The following CAP2 variants were observed in gnomAD, a reference collection of about 807,000 sequenced individuals.
CAP2 encodes the protein cyclase associated actin cytoskeleton regulatory protein 2, also known as adenylyl cyclase-associated protein 2.
A neutral mutation model predicts 57.7 loss-of-function variants in CAP2; 24 were observed. That is an observed-to-expected ratio of 0.42 (90% confidence interval 0.30 to 0.58). The LOEUF (loss-of-function observed/expected upper bound fraction) is 0.58, where lower values mean the gene tolerates loss of function less well. Ranked by LOEUF, CAP2 falls within the 20% of genes least tolerant of loss-of-function variation. The pLI is 0.22. For missense variants in CAP2, 501 were observed against 590.3 expected, an observed-to-expected ratio of 0.85 and a Z score of 1.57; for synonymous variants, 194 against 207.2, an observed-to-expected ratio of 0.94 and a Z score of 0.55.
chr6:17,450,859 T>C (rs984097073), intron 3 of CAP2, among the ~76,000 whole-genome samples: 1 of 152,204 alleles, frequency 6.6e-6, no homozygotes, highest in Non-Finnish European at 1.5e-5. Flanking sequence ...TAATATAAAA[T>C]TATTGCCCTT....
At chr6:17,509,260 A>T (rs1486548787) in intron 6 of CAP2, among the ~76,000 whole-genome samples, 1 of 152,156 alleles carries the variant, frequency 6.6e-6, no homozygotes, top group Non-Finnish European at 1.5e-5. Flanking sequence ...TTTTATTTTT[A>T]AAAATATTGA....
At chr6:17,498,677 A>T (rs1185690435) in intron 4 of CAP2, among the ~76,000 whole-genome samples, 6 of 151,828 alleles carry the variant, frequency 4.0e-5, no homozygotes, top group African/African-American at 1.5e-4. Context: ...CATCATTATT[A>T]TGTTTTTCTG....
chr6:17,465,029 G>C (rs934499302), intron 4 of CAP2, among the ~76,000 whole-genome samples: 3 of 152,156 alleles, frequency 2.0e-5, no homozygotes, highest in African/African-American at 7.2e-5. Flanking sequence ...ACTAAATATT[G>C]AATGAAAATG....
chr6:17,507,768 T>C (rs1217288302), intron 6 of CAP2, 42 bp downstream of exon 6: 1 of 1,067,852 alleles, frequency 9.4e-7, no homozygotes, highest in African/African-American at 1.6e-5. Flanking sequence ...AGTTGATTAC[T>C]TGTTAGACAT....
chr6:17,492,790 A>G (rs545814493), intron 4 of CAP2, among the ~76,000 whole-genome samples: 107 of 152,110 alleles, frequency 7.0e-4, no homozygotes, highest in African/African-American at 2.4e-3. Context: ...CCTTTTTTTC[A>G]TAGTACGATA....
chr6:17,481,709 G>T (rs1190679582), intron 4 of CAP2, among the ~76,000 whole-genome samples: 2 of 152,012 alleles, frequency 1.3e-5, no homozygotes, highest in African/African-American at 4.8e-5. Flanking sequence ...TTTTTAATTG[G>T]TCAATTTTTC....
chr6:17,490,574 T>C (rs1761520569), intron 4 of CAP2, among the ~76,000 whole-genome samples: 1 of 152,220 alleles, frequency 6.6e-6, no homozygotes, highest in African/African-American at 2.4e-5. Context: ...GGGTGGGGTG[T>C]AAGTCACAAA....
intron 3 of CAP2, among the ~76,000 whole-genome samples, chr6:17,442,017 C>CAAACATATTAAA (rs1760094075): frequency 3.3e-5 from 5 of 152,176 alleles, no homozygotes; most frequent in Admixed American, 2.6e-4. Context: ...TCGTTATTGC[C>CAAACATATTAAA]TGTACAAACA....
intron 3 of CAP2, among the ~76,000 whole-genome samples, chr6:17,436,013 G>A (rs946841322): frequency 1.3e-5 from 2 of 152,206 alleles, no homozygotes; most frequent in African/African-American, 4.8e-5. Context: ...GATCCTGTGA[G>A]TCTCTAAGGT....
At chr6:17,485,599 A>C (rs1761400757) in intron 4 of CAP2, among the ~76,000 whole-genome samples, 1 of 152,152 alleles carries the variant, frequency 6.6e-6, no homozygotes, top group Admixed American at 6.6e-5. Flanking sequence ...GCTGATTTCC[A>C]CTGACCCCAG....
intron 4 of CAP2, among the ~76,000 whole-genome samples, chr6:17,475,679 T>G (rs894663256): frequency 6.6e-6 from 1 of 152,216 alleles, no homozygotes; most frequent in African/African-American, 2.4e-5. Flanking sequence ...GCTGTGGAGA[T>G]CCAGCTGGCC....
At position 17,539,394 on chromosome 6, in the gene CAP2, G is replaced by A. The variant is rs547646770; in HGVS notation, c.762G>A (p.Glu254=). The change falls in exon 8 of 13, where the codon GAG becomes GAA. Residue 254 remains glutamate (E), a synonymous_variant. Transcript: ENST00000229922. ...PPLFENEGKK[E]ESSPSRSALF... ...TTTTCGAGAATGAAGGCAAAAAAGAGGAATCTTCTCCTTCACGCTCAGCTT... is the reference window on the plus strand; with the variant it reads ...TTTTCGAGAATGAAGGCAAAAAAGAAGAATCTTCTCCTTCACGCTCAGCTT... 1.9e-6 allele frequency: 3 copies of A among 1,614,210 alleles called. No individual in the cohort carries two copies. Among genetic ancestry groups the A allele is most frequent in the East Asian group, 2.2e-5 (1 of 44,874 alleles).
chr6:17,515,958 C>T (rs1248809734), intron 7 of CAP2, among the ~76,000 whole-genome samples: 2 of 152,154 alleles, frequency 1.3e-5, no homozygotes, highest in African/African-American at 4.8e-5. Flanking sequence ...TTGGATTGCA[C>T]CAAATGAAAT....
At chr6:17,429,990 A>G (rs1056573313) in intron 3 of CAP2, among the ~76,000 whole-genome samples, 1 of 152,238 alleles carries the variant, frequency 6.6e-6, no homozygotes, top group African/African-American at 2.4e-5. Flanking sequence ...AAAAGCCCTC[A>G]CATACCTGAT....
intron 1 of CAP2, among the ~76,000 whole-genome samples, chr6:17,410,212 C>T (rs1759102120): frequency 6.6e-6 from 1 of 152,170 alleles, no homozygotes; most frequent in African/African-American, 2.4e-5. Flanking sequence ...CTGCCTGTCC[C>T]ACATGCTCCC....
At chr6:17,548,365 C>CA (rs112858015) in intron 11 of CAP2, among the ~76,000 whole-genome samples, 1,640 of 127,396 alleles carry the variant, frequency 0.013, 12 homozygotes, top group East Asian at 0.032. Flanking sequence ...GATTCTGTCT[C>CA]AAAAAAAAAA....
chr6:17,543,050 TC>T lies in CAP2; in HGVS notation c.1127-10del, dbSNP rs1581609825. 2.5e-6 allele frequency: 4 copies of T among 1,613,826 alleles called. No homozygotes were observed. The East Asian group carries it at 8.9e-5, about 36-fold the overall frequency. On this transcript the variant is annotated splice_polypyrimidine_tract_variant and intron_variant, in intron 10 of 12. Coordinates refer to ENST00000229922, the MANE Select transcript of CAP2 (RefSeq NM_006366.3). ...GGAGTTGGTTTTTTGTTGTGTTTTTTCTCCCCACAGACAACTGTAAAAAACT... is the reference window on the plus strand; with the variant it reads ...GGAGTTGGTTTTTTGTTGTGTTTTTTTCCCCACAGACAACTGTAAAAAACT...
At chr6:17,439,271 G>A (rs1760000279) in intron 3 of CAP2, among the ~76,000 whole-genome samples, 1 of 144,674 alleles carries the variant, frequency 6.9e-6, no homozygotes, top group Non-Finnish European at 1.5e-5. Flanking sequence ...TTTTTTTCCA[G>A]ATAGGTTCCT....
chr6:17,506,695 G>A (rs1761994322), intron 4 of CAP2, among the ~76,000 whole-genome samples: 1 of 151,680 alleles, frequency 6.6e-6, no homozygotes, highest in Non-Finnish European at 1.5e-5. Flanking sequence ...TTTTTCACAT[G>A]GATTATGGCA....
Sources: gnomAD v4.1 joint callset for allele counts (sites outside exome capture counted in the v4.1 genomes callset) on GRCh38, gnomAD v4.1.1 for gene constraint, MANE v1.5 for transcripts, NCBI Gene and HGNC (gene_info 2026-07-23, HGNC 2026-07-21) for gene names.